Variants in LPIN1 observed in about 807,000 individuals in gnomAD.
LPIN1 encodes the protein lipin 1.
Under a neutral mutation model 107.5 loss-of-function variants are expected in LPIN1, and 71 were observed. The observed-to-expected ratio is 0.66, with a 90% confidence interval of 0.55 to 0.80. LPIN1 has a LOEUF of 0.80. Among genes scored for constraint, LPIN1 ranks in the 30% least tolerant of loss-of-function variants. The pLI, the probability that LPIN1 is intolerant of heterozygous loss-of-function variation, is 0.00. For synonymous variants in LPIN1, 445 were observed against 452.6 expected (o/e 0.98, Z 0.21); for missense variants, 1,043 against 1,160.6 (o/e 0.90, Z 1.47).
chr2:11,707,166 CAA>C lies in LPIN1; in HGVS notation c.82-6588_82-6587del, dbSNP rs1389639054. ...ATATTTTAGTAGGAAAAACAGAAAA[CAA>C]AGAATAATGATCTAACGTCAGATAC... On this transcript the variant is annotated intron_variant, in intron 1 of 21. Transcript: ENST00000449576. The surrounding 1 kb of genome is among the most constrained non-coding windows in gnomAD (Gnocchi z 4.2). 3.3e-5 allele frequency among the ~76,000 whole-genome samples: 5 copies of C among 152,060 alleles called. No individual in the cohort carries two copies. Among genetic ancestry groups the C allele is most frequent in the Admixed American group, 2.6e-4 (4 of 15,264 alleles).
chr2:11,729,855 T>C (rs1017758349), intron 1 of LPIN1, among the ~76,000 whole-genome samples: 1 of 151,510 alleles, frequency 6.6e-6, no homozygotes, highest in African/African-American at 2.4e-5. Flanking sequence ...TATTTTAATT[T>C]CAAATAGAAA....
At position 11,794,047 on chromosome 2, in the gene LPIN1, G is replaced by A. The variant is rs79409089; in HGVS notation, c.1807-1361G>A. Among the ~76,000 whole-genome samples, 883 of 152,290 alleles carry A rather than the reference G, an allele frequency of 5.8e-3. 7 individuals are homozygous for A. Among genetic ancestry groups the A allele is most frequent in the African/African-American group, 0.02 (851 of 41,564 alleles). ...TCTATTTATGCCATTAGTTGAAAGG[G>A]AAAATGTTTGCTGGAAGAGTTTTAT... On this transcript the variant is annotated intron_variant, in intron 13 of 20. Coordinates refer to ENST00000674199, the MANE Select transcript of LPIN1 (RefSeq NM_001349206.2).
intron 1 of LPIN1, among the ~76,000 whole-genome samples, chr2:11,696,968 A>G (rs1662617633): frequency 6.6e-6 from 1 of 152,156 alleles, no homozygotes; most frequent in South Asian, 2.1e-4. Context: ...GTGGTTCTGC[A>G]CGTCAGCAGC....
chr2:11,812,813 G>A (rs773902293), intron 17 of LPIN1, among the ~76,000 whole-genome samples: 6 of 152,192 alleles, frequency 3.9e-5, no homozygotes, highest in South Asian at 2.1e-4. Flanking sequence ...AGAGCACCAC[G>A]TGGAGTCGGG....
chr2:11,735,600 A>C (rs1397042495), intron 1 of LPIN1, among the ~76,000 whole-genome samples: 2 of 152,118 alleles, frequency 1.3e-5, no homozygotes. Flanking sequence ...CATACACTGG[A>C]CATTGTCGAA....
chr2:11,751,566 G>T (rs1313557851), intron 1 of LPIN1, among the ~76,000 whole-genome samples: 1 of 152,042 alleles, frequency 6.6e-6, no homozygotes, highest in African/African-American at 2.4e-5. Context: ...TTTAAAAATG[G>T]GTCCAGCTGG....
At chr2:11,749,242 G>A (rs1404089466) in intron 1 of LPIN1, among the ~76,000 whole-genome samples, 4 of 152,130 alleles carry the variant, frequency 2.6e-5, no homozygotes, top group Non-Finnish European at 2.9e-5. Context: ...TGAAATGTTC[G>A]CTTTCTGAGC....
At chr2:11,713,810 A>T in exon 2 of LPIN1, 1 of 1,516,826 alleles carries the variant, frequency 6.6e-7, no homozygotes, top group Non-Finnish European at 8.8e-7. Context: ...TTCAAACATT[A>T]ACGTGAGTGC....
intron 10 of LPIN1, among the ~76,000 whole-genome samples, chr2:11,785,431 C>T (rs1435713019): frequency 1.3e-5 from 2 of 152,094 alleles, no homozygotes; most frequent in Non-Finnish European, 2.9e-5. Flanking sequence ...ACAGGGAGGT[C>T]TGAGTTTGTC....
chr2:11,776,406 C>A (rs117634102), intron 6 of LPIN1, among the ~76,000 whole-genome samples: 2 of 149,552 alleles, frequency 1.3e-5, no homozygotes, highest in Admixed American at 6.7e-5. Context: ...CTTTTCCTTT[C>A]GTTATAAGCA....
intron 1 of LPIN1, among the ~76,000 whole-genome samples, chr2:11,702,598 A>G (rs1414490224): frequency 1.3e-5 from 2 of 152,238 alleles, no homozygotes; most frequent in Non-Finnish European, 2.9e-5. Flanking sequence ...GTCATGGCCT[A>G]GCTAAGAAGG....
rs1678164719 is a variant in LPIN1 at position 11,803,674 on chromosome 2, A to G, written c.2013+641A>G. Among the ~76,000 whole-genome samples, 1 of 152,142 alleles carries G rather than the reference A, an allele frequency of 6.6e-6. No homozygotes were observed. Among genetic ancestry groups the G allele is most frequent in the African/African-American group, 2.4e-5 (1 of 41,420 alleles). On this transcript the variant is annotated intron_variant, in intron 15 of 20. Transcript: ENST00000674199. The surrounding 1 kb of genome is among the most constrained non-coding windows in gnomAD (Gnocchi z 4.2). ...CTAGGAAAAGATAAGGAAGAGGCCC[A>G]GACACCCACTCAGGCCATGTGTGGG...
chr2:11,799,313 G>A (rs774732305), intron 14 of LPIN1, among the ~76,000 whole-genome samples: 19 of 151,802 alleles, frequency 1.3e-4, no homozygotes, highest in African/African-American at 3.9e-4. Context: ...TCATCCCGCC[G>A]GCAGAGGTAC....
exon 1 of LPIN1, chr2:11,724,375 A>AT: frequency 1.0e-6 from 1 of 986,178 alleles, no homozygotes; most frequent in Non-Finnish European, 1.2e-6. Flanking sequence ...GGGAGAGAGG[A>AT]TGGGAGGCGA....
At chr2:11,718,033 T>C (rs996376719) in intron 2 of LPIN1, among the ~76,000 whole-genome samples, 2 of 152,184 alleles carry the variant, frequency 1.3e-5, no homozygotes, top group Non-Finnish European at 2.9e-5. Flanking sequence ...GTAACCCTGT[T>C]TTCCCAGGAC....
rs549640128 is a variant in LPIN1 at position 11,704,362 on chromosome 2, C to T, written c.82-9394C>T. On this transcript the variant is annotated intron_variant, in intron 1 of 21. Coordinates refer to the LPIN1 transcript ENST00000449576. Reference sequence around the variant, plus strand: ...ACTCACTTTTGTGGTTGCATCTGGGCCTGAAATAGTGGCAACTGTGAGGCC... The same window carrying T: ...ACTCACTTTTGTGGTTGCATCTGGGTCTGAAATAGTGGCAACTGTGAGGCC... Among the ~76,000 whole-genome samples, 11 of 152,274 alleles carry T rather than the reference C, an allele frequency of 7.2e-5. No homozygotes were observed. In the South Asian group the frequency reaches 2.3e-3, roughly 32 times the overall value.
rs549167330 is a variant in LPIN1, at chr2:11,795,467, G to T, written c.1866G>T (p.Pro622=). 2 of 1,614,024 alleles carry T rather than the reference G, an allele frequency of 1.2e-6. No homozygotes were observed. Among genetic ancestry groups the T allele is most frequent in the Non-Finnish European group, 1.7e-6 (2 of 1,180,016 alleles). ...GKAHSTGEQP[P]QLSLATRVKH... The stretch of plus-strand genomic sequence containing the variant: ...CCCATAGCACCGGAGAGCAACCGCC[G>T]CAGCTCAGCTTGGCCACCAGGTGCG... The change falls in exon 14 of 21, where the codon CCG becomes CCT. Residue 622 remains proline (P), a synonymous_variant. Coordinates refer to ENST00000674199, the MANE Select transcript of LPIN1 (RefSeq NM_001349206.2).
intron 1 of LPIN1, among the ~76,000 whole-genome samples, chr2:11,764,053 A>AAT (rs1670318743): frequency 1.0e-5 from 1 of 97,808 alleles, no homozygotes; most frequent in Non-Finnish European, 2.0e-5. Context: ...CCTATCTTCA[A>AAT]ATGTGTGTGT....
At chr2:11,706,909 G>A (rs183025651) in intron 1 of LPIN1, among the ~76,000 whole-genome samples, 1 of 152,300 alleles carries the variant, frequency 6.6e-6, no homozygotes, top group East Asian at 1.9e-4. Context: ...TTTGTGGAGA[G>A]AGGATTCATA....
Sources: allele counts gnomAD v4.1 joint callset (sites outside exome capture counted in the v4.1 genomes callset), GRCh38; gene constraint gnomAD v4.1.1; non-coding constraint Gnocchi (gnomAD v3.1); transcripts MANE v1.5; gene names NCBI Gene and HGNC (gene_info 2026-07-23, HGNC 2026-07-21).